RETREG1: variants seen among roughly 807,000 people sequenced by gnomAD.
RETREG1 encodes reticulophagy regulator 1.
Under a neutral mutation model 54.8 loss-of-function variants are expected in RETREG1, and 44 were observed. The observed-to-expected ratio is 0.80, with a 90% CI of 0.63 to 1.03. The LOEUF (loss-of-function observed/expected upper bound fraction) is 1.03. RETREG1 is among the 50% of genes least tolerant of loss of function. The probability of loss-of-function intolerance (pLI) is 0.00; values close to 1 mark genes in which losing one functional copy is unlikely to be tolerated. For synonymous variants in RETREG1, 217 were observed against 238.5 expected, an observed-to-expected ratio of 0.91 and a Z score of 0.83; for missense variants, 554 against 605.1, an observed-to-expected ratio of 0.92 and a Z score of 0.89.
At chr5:16,514,072 C>A (rs1470120823) in intron 3 of RETREG1, among the ~76,000 whole-genome samples, 1 of 152,106 alleles carries the variant, frequency 6.6e-6, no homozygotes, top group Non-Finnish European at 1.5e-5. Flanking sequence ...TTGGTCAAAA[C>A]ACAAAAATTA....
chr5:16,483,150 C>T, intron 4 of RETREG1, 196 bp downstream of exon 4: 2 of 602,416 alleles, frequency 3.3e-6, no homozygotes, highest in Non-Finnish European at 2.9e-6. Context: ...TCCAATTTCA[C>T]AATGTGAGGC....
intron 1 of RETREG1, among the ~76,000 whole-genome samples, chr5:16,587,347 T>C (rs1178372140): frequency 6.6e-5 from 10 of 152,226 alleles, no homozygotes; most frequent in African/African-American, 9.6e-5. Flanking sequence ...GGAAATTATA[T>C]ATCCATAAAT....
rs536930067 is a variant in RETREG1, at chr5:16,611,528, A to C, written c.320+5124T>G. Among the ~76,000 whole-genome samples, 4 of 152,324 alleles carry C rather than the reference A, an allele frequency of 2.6e-5. No homozygotes were observed. The East Asian group carries it at 7.7e-4, about 29-fold the overall frequency. Reference sequence around the variant, plus strand: ...ACTTAGGAAACGGACCTTTCACTCCATTCTGTGCCTATCCAAGGCAACCAT... The same window carrying C: ...ACTTAGGAAACGGACCTTTCACTCCCTTCTGTGCCTATCCAAGGCAACCAT... On this transcript the variant is annotated intron_variant, in intron 1 of 8. Transcript: ENST00000306320.
chr5:16,591,529 G>T (rs1293892154), intron 1 of RETREG1, among the ~76,000 whole-genome samples: 1 of 152,148 alleles, frequency 6.6e-6, no homozygotes, highest in Non-Finnish European at 1.5e-5. Context: ...AAAAGAAAAG[G>T]TGATGAGAAG....
chr5:16,519,163 T>C (rs1579638765), intron 3 of RETREG1, among the ~76,000 whole-genome samples: 1 of 152,340 alleles, frequency 6.6e-6, no homozygotes, highest in African/African-American at 2.4e-5. Context: ...ACCCCGCTGC[T>C]GAGGAAGAGA....
At chr5:16,514,959 T>A (rs1462770966) in intron 3 of RETREG1, among the ~76,000 whole-genome samples, 1 of 147,944 alleles carries the variant, frequency 6.8e-6, no homozygotes, top group East Asian at 1.9e-4. Context: ...TATATGTGTA[T>A]ATATATTATA....
intron 3 of RETREG1, chr5:16,508,503 C>T (rs1275803788): frequency 7.5e-7 from 1 of 1,337,636 alleles, no homozygotes; most frequent in African/African-American, 1.5e-5. Flanking sequence ...TTAAATTAGT[C>T]ATAATATTTT....
At position 16,616,835 on chromosome 5, in the gene RETREG1, T is replaced by C. The variant is rs1015748029; in HGVS notation, c.137A>G (p.Glu46Gly). 33 of 1,514,286 alleles carry C rather than the reference T, an allele frequency of 2.2e-5. No individual in the cohort carries two copies. Among genetic ancestry groups the C allele is most frequent in the East Asian group, 7.9e-5 (3 of 38,138 alleles). The allele number at this position is 1,514,286 out of a possible 1,614,324, so 93.8% of individuals were successfully genotyped here. The change falls in exon 1 of 9, where the codon GAA (glutamate) becomes GGA (glycine). Residue 46 changes from glutamate to glycine, a missense_variant. Around this residue, in one of 4 missense-constraint regions of RETREG1, gnomAD observed 175 missense variants for 142.1 expected, o/e 1.23. Transcript: ENST00000306320. ...ERQQQEEEAQ[E>G]AGAAEGAGLQ... ...CCCCGCGCCCTCCGCCGCCCCAGCT[T>C]CCTGCGCTTCCTCCTCCTGCTGCTG...
intron 3 of RETREG1, among the ~76,000 whole-genome samples, chr5:16,550,465 T>G (rs1030169629): frequency 1.3e-5 from 2 of 152,146 alleles, no homozygotes; most frequent in African/African-American, 4.8e-5. Flanking sequence ...TATTTATGGA[T>G]GATGAGCCAC....
chr5:16,523,888 G>A (rs780143732), intron 3 of RETREG1, among the ~76,000 whole-genome samples: 9 of 152,160 alleles, frequency 5.9e-5, no homozygotes, highest in East Asian at 1.9e-4. Flanking sequence ...TGATGTTCAC[G>A]TTTGTTTCAG....
chr5:16,582,406 A>G (rs529751603), intron 1 of RETREG1, among the ~76,000 whole-genome samples: 1 of 147,454 alleles, frequency 6.8e-6, no homozygotes, highest in South Asian at 2.1e-4. Context: ...TTTTTTTTCT[A>G]TTCCATTCCC....
At chr5:16,573,878 G>A (rs1424656351) in intron 1 of RETREG1, among the ~76,000 whole-genome samples, 1 of 151,730 alleles carries the variant, frequency 6.6e-6, no homozygotes, top group Non-Finnish European at 1.5e-5. Flanking sequence ...CCAAGTAGCT[G>A]GAAATATAGG....
intron 1 of RETREG1, among the ~76,000 whole-genome samples, chr5:16,573,866 G>A (rs1007191976): frequency 1.3e-5 from 2 of 149,694 alleles, no homozygotes; most frequent in South Asian, 2.1e-4. Flanking sequence ...TGCCTCAGCC[G>A]CCCAAGTAGC....
At chr5:16,544,343 C>G (rs75857631) in intron 3 of RETREG1, among the ~76,000 whole-genome samples, 12,427 of 152,216 alleles carry the variant, frequency 0.082, 705 homozygotes, top group Admixed American at 0.14. Flanking sequence ...ATATGATTCA[C>G]AAATATTTTC....
At chr5:16,550,614 T>C (rs1741509531) in intron 3 of RETREG1, among the ~76,000 whole-genome samples, 1 of 152,208 alleles carries the variant, frequency 6.6e-6, no homozygotes, top group African/African-American at 2.4e-5. Context: ...TGCTGCATGC[T>C]TCTTCCCCTT....
At chr5:16,552,803 T>C (rs1281703116) in intron 3 of RETREG1, among the ~76,000 whole-genome samples, 1 of 152,208 alleles carries the variant, frequency 6.6e-6, no homozygotes, top group Non-Finnish European at 1.5e-5. Context: ...ACAACGTTAA[T>C]GCTTTTGCCC....
intron 1 of RETREG1, among the ~76,000 whole-genome samples, chr5:16,581,656 T>TC (rs1742487053): frequency 6.6e-6 from 1 of 151,962 alleles, no homozygotes; most frequent in South Asian, 2.1e-4. Flanking sequence ...ACCCAAGTGA[T>TC]TAGAAGCAAT....
chr5:16,529,210 C>A (rs1158280602), intron 3 of RETREG1, among the ~76,000 whole-genome samples: 1 of 152,132 alleles, frequency 6.6e-6, no homozygotes, highest in African/African-American at 2.4e-5. Context: ...TGTGTCTTGG[C>A]GCCTATCATA....
intron 3 of RETREG1, among the ~76,000 whole-genome samples, chr5:16,551,560 T>C (rs934592488): frequency 6.6e-6 from 1 of 152,126 alleles, no homozygotes; most frequent in African/African-American, 2.4e-5. Context: ...CCAAAAATGT[T>C]ACCACCCCAT....
Sources: allele counts gnomAD v4.1 joint callset (sites outside exome capture counted in the v4.1 genomes callset), GRCh38; gene constraint gnomAD v4.1.1; regional missense constraint gnomAD v4.1.1; transcripts MANE v1.5; gene names NCBI Gene and HGNC (gene_info 2026-07-23, HGNC 2026-07-21).